The following LAX1 variants were observed in gnomAD, a reference collection of about 807,000 sequenced individuals.
The protein encoded by LAX1 is lymphocyte transmembrane adaptor 1.
In LAX1, 17 loss-of-function variants were observed where a neutral mutation model predicts 20.7. The ratio of observed to expected loss-of-function variants is 0.82; its 90% confidence interval spans 0.56 to 1.23. The LOEUF (loss-of-function observed/expected upper bound fraction) is 1.23. LAX1 is among the 50% of genes most tolerant of loss of function. LAX1 has a pLI of 0.00. For missense variants in LAX1, 470 were observed against 487.0 expected (o/e 0.97, Z 0.33); for synonymous variants, 165 against 181.0 (o/e 0.91, Z 0.71).
chr1:203,772,704 G>C (rs1443778658), intron 4 of LAX1, among the ~76,000 whole-genome samples: 1 of 151,090 alleles, frequency 6.6e-6, no homozygotes, highest in Non-Finnish European at 1.5e-5. Context: ...GAGATTACAG[G>C]CATGAGCCAC....
chr1:203,769,204 C>T (rs980692952), intron 1 of LAX1, among the ~76,000 whole-genome samples: 1 of 151,686 alleles, frequency 6.6e-6, no homozygotes, highest in East Asian at 1.9e-4. Flanking sequence ...GCCTGGCCAA[C>T]ATGGTGAAAT....
chr1:203,771,302 A>G lies in LAX1; in HGVS notation c.200-65A>G, dbSNP rs550244793. 8.9e-5 allele frequency: 89 copies of G among 1,001,034 alleles called. 1 individual carries two copies. In the African/African-American group the frequency reaches 1.3e-3, roughly 15 times the overall value. The allele number at this position is 1,001,034 out of a possible 1,614,324, so 62.0% of individuals were successfully genotyped here. ...CATTTTCAGGGGCCATCTCATTCCC[A>G]TGAGTCTCTTCACTCTGTGCAGCTG... On this transcript the variant is annotated intron_variant, in intron 2 of 4. Transcript: ENST00000442561.
intron 4 of LAX1, among the ~76,000 whole-genome samples, chr1:203,772,499 C>T (rs560777067): frequency 6.6e-6 from 1 of 152,248 alleles, no homozygotes; most frequent in East Asian, 1.9e-4. Flanking sequence ...GCGATCTCGG[C>T]TCACTGCAAC....
rs1667493392 is a variant in LAX1 at position 203,775,322 on chromosome 1, AGGTGG to A, written c.*642_*646del. 1 of 152,040 alleles carries A rather than the reference AGGTGG, an allele frequency of 6.6e-6. No homozygotes were observed. Among genetic ancestry groups the A allele is most frequent in the East Asian group, 1.9e-4 (1 of 5,210 alleles). 9.4% of individuals were successfully genotyped at this position (152,040 alleles called of 1,614,324 possible). On this transcript the variant is annotated 3_prime_UTR_variant, in exon 5 of 5. Coordinates refer to ENST00000442561, the MANE Select transcript of LAX1 (RefSeq NM_017773.4). Reference sequence around the variant, plus strand: ...AGCAGGAGAATCGCTTGAACCCGGGAGGTGGAGGTTGCAGCAAGCCGAGATTGTGC... The same window carrying A: ...AGCAGGAGAATCGCTTGAACCCGGGAAGGTTGCAGCAAGCCGAGATTGTGC...
rs1317078482 is a variant in LAX1, at chr1:203,770,510, G to GA, written c.90-316dup. ...GGAAGGAAGGAAGGAAGGAAGGAAGGAAGAAAGAAAGAAAGAAAGAAAGAA... is the reference window on the plus strand; with the variant it reads ...GGAAGGAAGGAAGGAAGGAAGGAAGGAAAGAAAGAAAGAAAGAAAGAAAGAA... On this transcript the variant is annotated intron_variant, in intron 1 of 4. Coordinates refer to ENST00000442561, the MANE Select transcript of LAX1 (RefSeq NM_017773.4). Among the ~76,000 whole-genome samples the GA allele has an allele frequency of 1.4e-3, 23 of 16,922 alleles. 1 individual carries two copies. The highest frequency in any genetic ancestry group is 4.7e-3 in the African/African-American group (23 of 4,878). 11.1% of individuals were successfully genotyped at this position (16,922 alleles called of 152,430 possible).
intron 1 of LAX1, 112 bp from the exon 2 acceptor site, chr1:203,770,716 C>T (rs916105183): frequency 3.7e-6 from 3 of 821,484 alleles, no homozygotes; most frequent in African/African-American, 1.7e-5. Flanking sequence ...CCTGGGCTTT[C>T]CTTCACTCGG....
rs773678684 is a variant in LAX1 at position 203,774,054 on chromosome 1, G to A, written c.570G>A (p.Ser190=). 2.0e-5 allele frequency: 32 copies of A among 1,613,966 alleles called. 1 individual carries two copies. In the South Asian group the frequency reaches 2.1e-4, roughly 11 times the overall value. Residue 190 remains serine, a synonymous_variant, in exon 5 of 5, where the codon TCG becomes TCA. Coordinates refer to ENST00000442561, the MANE Select transcript of LAX1 (RefSeq NM_017773.4). ...RDCASISSED[S]HDYVNVPTAE... is the part of the protein sequence containing the mutation. ...GCGCAAGCATTTCTTCAGAGGATTC[G>A]CATGATTATGTCAATGTCCCCACAG...
rs1009988417 is a variant in LAX1, at chr1:203,765,545, A to G, written c.-21A>G. 3.1e-6 allele frequency: 5 copies of G among 1,614,032 alleles called. No homozygotes were observed. The highest frequency in any genetic ancestry group is 4.2e-6 in the Non-Finnish European group (5 of 1,180,028). On this transcript the variant is annotated 5_prime_UTR_variant, in exon 1 of 5. Transcript: ENST00000442561. ...AACTTAGAAGCTGAAGCCAGAGAGC[A>G]TCTCAAAGGTTCCTGATACAATGGA... is the stretch of plus-strand genomic sequence containing the variant.
At position 203,774,643 on chromosome 1, in the gene LAX1, G is replaced by A. The variant is rs1268578911; in HGVS notation, c.1159G>A (p.Glu387Lys). Residue 387 changes from glutamate to lysine, a missense_variant, in exon 5 of 5, where the codon GAG becomes AAG. Coordinates refer to ENST00000442561, the MANE Select transcript of LAX1 (RefSeq NM_017773.4). ...TGCCAAGTTAGGAGGCAGGGACTCT[G>A]AGCAGGGGCCTGGCACTCAGCTCCT... Reference protein sequence around the residue: ...LTAKLGGRDSEQGPGTQLLPD... With the variant: ...LTAKLGGRDSKQGPGTQLLPD... The A allele has an allele frequency of 6.2e-7, 1 of 1,614,162 alleles. No individual in the cohort carries two copies. The highest frequency in any genetic ancestry group is 8.5e-7 in the Non-Finnish European group (1 of 1,180,034).
intron 1 of LAX1, among the ~76,000 whole-genome samples, chr1:203,765,887 G>A (rs768761505): frequency 5.9e-5 from 9 of 152,116 alleles, no homozygotes; most frequent in Admixed American, 4.6e-4. Context: ...TGATAACACT[G>A]GCCCTTAAAG....
chr1:203,769,319 G>A (rs1178231054), intron 1 of LAX1, among the ~76,000 whole-genome samples: 1 of 151,352 alleles, frequency 6.6e-6, no homozygotes, highest in East Asian at 1.9e-4. Flanking sequence ...TTGAACCTGG[G>A]AGGCAGAGGT....
At chr1:203,771,171 T>C (rs894649789) in intron 2 of LAX1, among the ~76,000 whole-genome samples, 196 bp from the exon 3 acceptor site, 32 of 152,174 alleles carry the variant, frequency 2.1e-4, no homozygotes, top group African/African-American at 7.2e-4. Context: ...TCCAGTTTCC[T>C]CTTTACGTTC....
In LAX1 at chr1:203,774,680, G is replaced by A. The variant is rs1419758792; in HGVS notation, c.1196G>A (p.Ter399=). The A allele has an allele frequency of 6.2e-7, 1 of 1,612,518 alleles. No individual in the cohort carries two copies. Among genetic ancestry groups the A allele is most frequent in the Non-Finnish European group, 8.5e-7 (1 of 1,179,320 alleles). ...GPGTQLLPDE[*] is the part of the protein sequence containing the mutation. ...GGCACTCAGCTCCTTCCTGATGAAT[G>A]AAGACCCAGGTACCCAGCCATAAAG... Residue 399 remains the stop codon, a stop_retained_variant, in exon 5 of 5, where the codon TGA becomes TAA. Transcript: ENST00000442561.
chr1:203,769,378 C>A (rs956704089), intron 1 of LAX1, among the ~76,000 whole-genome samples: 13 of 129,208 alleles, frequency 1.0e-4, no homozygotes, highest in Non-Finnish European at 1.9e-4. Flanking sequence ...AGCGACACAG[C>A]GAGACTCTGT....
chr1:203,771,336 CA>C, intron 2 of LAX1, 30 bp from the exon 3 acceptor site: 1 of 1,349,816 alleles, frequency 7.4e-7, no homozygotes, highest in Non-Finnish European at 1.1e-6. Context: ...TGACCCCCGC[CA>C]TGACTCCCAT....
rs755164305 is a variant in LAX1, at chr1:203,767,303, C to CTTTTTTTTTTTT, written c.89+1659_89+1670dup. On this transcript the variant is annotated intron_variant, in intron 1 of 4. Transcript: ENST00000442561. ...GTAACCACCATTCTACTCTCCACTT[C>CTTTTTTTTTTTT]TTTTTTTTTTTTTTTTTTTTTGAGA... is the stretch of plus-strand genomic sequence containing the variant. 2.3e-3 allele frequency among the ~76,000 whole-genome samples: 212 copies of CTTTTTTTTTTTT among 90,430 alleles called. 24 individuals carry two copies. Among genetic ancestry groups the CTTTTTTTTTTTT allele is most frequent in the Middle Eastern group, 9.4e-3 (1 of 106 alleles). 59.3% of individuals were successfully genotyped at this position (90,430 alleles called of 152,430 possible). A position where few individuals can be genotyped will look rare whatever the true frequency, so the allele number is the denominator to read the frequency against.
chr1:203,770,491 AAGGAAGG>A (rs1667394513), intron 1 of LAX1, among the ~76,000 whole-genome samples: 12 of 80,976 alleles, frequency 1.5e-4, no homozygotes, highest in East Asian at 1.3e-3. Flanking sequence ...GGAAGGAAGG[AAGGAAGG>A]AAGGAAGGAA....
chr1:203,772,450 T>C lies in LAX1; in HGVS notation c.390+303T>C, dbSNP rs527627122. Among the ~76,000 whole-genome samples the C allele has an allele frequency of 3.9e-5, 6 of 152,292 alleles. No homozygotes were observed. In the East Asian group the frequency reaches 1.2e-3, roughly 29 times the overall value. ...TTTTTTTCTTTTTTCTTTTTTGAGA[T>C]GGAGTCTTGTTCTGTCACCCAGGCT... is the stretch of plus-strand genomic sequence containing the variant. On this transcript the variant is annotated intron_variant, in intron 4 of 4. Transcript: ENST00000442561.
At position 203,774,110 on chromosome 1, in the gene LAX1, C is replaced by T. The variant is rs766200336; in HGVS notation, c.626C>T (p.Thr209Ile). 2.5e-6 allele frequency: 4 copies of T among 1,614,174 alleles called. No individual in the cohort carries two copies. The highest frequency in any genetic ancestry group is 1.6e-4 in the Middle Eastern group (1 of 6,062). ...GAGATTGCTGAGACTCTAGCTTCTA[C>T]CAAAAGCCCTTCCAGAAATCTCTTT... is the stretch of plus-strand genomic sequence containing the variant. Reference protein sequence around the residue: ...AEEIAETLASTKSPSRNLFVL... With the variant: ...AEEIAETLASIKSPSRNLFVL... Residue 209 changes from threonine to isoleucine, a missense_variant, in exon 5 of 5, where the codon ACC becomes ATC. Thr to Ile is a moderately conservative substitution (Grantham distance 89). Transcript: ENST00000442561.
Sources: gnomAD v4.1 joint callset for allele counts (sites outside exome capture counted in the v4.1 genomes callset) on GRCh38, gnomAD v4.1.1 for gene constraint, MANE v1.5 for transcripts, NCBI Gene and HGNC (gene_info 2026-07-23, HGNC 2026-07-21) for gene names.